Variants in AFF4 observed in about 807,000 individuals in gnomAD.
AFF4 encodes ALF transcription elongation factor 4, also known as AF4/FMR2 family member 4.
A neutral mutation model predicts 124.8 loss-of-function variants in AFF4; 13 were observed. The ratio of observed to expected loss-of-function variants is 0.10; its 90% CI spans 0.07 to 0.17. The LOEUF (loss-of-function observed/expected upper bound fraction) is 0.17. AFF4 is among the 10% of genes least tolerant of loss of function. AFF4 has a pLI of 1.00. For synonymous variants in AFF4, 477 were observed against 496.1 expected (o/e 0.96, Z 0.51); for missense variants, 1,092 against 1,403.8 (o/e 0.78, Z 3.55).
intron 5 of AFF4, among the ~76,000 whole-genome samples, chr5:132,923,031 C>T (rs958469473): frequency 1.3e-5 from 2 of 151,894 alleles, no homozygotes; most frequent in African/African-American, 4.8e-5. Context: ...AAAAAAGTAG[C>T]CGGGCGTGGT....
At chr5:132,922,633 A>G (rs1484199052) in intron 5 of AFF4, among the ~76,000 whole-genome samples, 1 of 149,852 alleles carries the variant, frequency 6.7e-6, no homozygotes, top group African/African-American at 2.5e-5. Context: ...TACAAAAATT[A>G]GCTAGGCGTG....
At chr5:132,921,019 C>T (rs982655638) in intron 5 of AFF4, among the ~76,000 whole-genome samples, 6 of 151,466 alleles carry the variant, frequency 4.0e-5, no homozygotes, top group Non-Finnish European at 2.9e-5. Context: ...CCCAGCTACT[C>T]GAGAGGCCGA....
At chr5:132,909,123 C>CTTT (rs34141962) in intron 5 of AFF4, among the ~76,000 whole-genome samples, 10 of 112,810 alleles carry the variant, frequency 8.9e-5, no homozygotes, top group African/African-American at 1.4e-4. Flanking sequence ...AAAACATCAT[C>CTTT]TTTTTTTTTT....
chr5:132,935,939 A>T (rs10477744), intron 2 of AFF4, among the ~76,000 whole-genome samples: 75,640 of 150,790 alleles, frequency 0.5, 19,197 homozygotes, highest in East Asian at 0.71. Context: ...AAAAAAAAAA[A>T]CTTTTGAAGA....
At position 132,889,285 on chromosome 5, in the gene AFF4, T is replaced by C. The variant is rs148493899; in HGVS notation, c.2638-112A>G. On this transcript the variant is annotated intron_variant, in intron 13 of 20. Transcript: ENST00000265343. ...GGAAACAAAATTTCATTGCCTTTCA[T>C]AATGAATTTCCTTGTTACAAAACTT... is the stretch of plus-strand genomic sequence containing the variant. 4.7e-4 allele frequency: 325 copies of C among 690,238 alleles called. No homozygotes were observed. In the East Asian group the frequency reaches 7.9e-3, roughly 17 times the overall value. The allele number at this position is 690,238 out of a possible 1,614,324, so 42.8% of individuals were successfully genotyped here.
At chr5:132,957,019 CAAAAAAAAAAAAAAAA>C (rs1180577709) in intron 1 of AFF4, among the ~76,000 whole-genome samples, 16 of 40,806 alleles carry the variant, frequency 3.9e-4, no homozygotes, top group South Asian at 1.9e-3. Flanking sequence ...GACTTCGTCT[CAAAAAAAAAAAAAAAA>C]AAAAAAAAAA....
chr5:132,946,870 A>AT (rs1043190568), intron 1 of AFF4, among the ~76,000 whole-genome samples: 4 of 119,764 alleles, frequency 3.3e-5, no homozygotes, highest in African/African-American at 7.8e-5. Context: ...GCATTCTATA[A>AT]TTTTTTTATA....
At chr5:132,895,826 A>G (rs1364557382) in intron 11 of AFF4, among the ~76,000 whole-genome samples, 2 of 152,246 alleles carry the variant, frequency 1.3e-5, no homozygotes, top group Non-Finnish European at 2.9e-5. Flanking sequence ...TAGGGATGAC[A>G]GCTGGCTATA....
intron 12 of AFF4, among the ~76,000 whole-genome samples, chr5:132,892,743 G>A (rs762820194): frequency 2.0e-5 from 3 of 152,098 alleles, no homozygotes; most frequent in Admixed American, 6.5e-5. Flanking sequence ...TTACAGATAA[G>A]TTTGCCATCT....
At position 132,898,460 on chromosome 5, in the gene AFF4, C is replaced by CG. The variant is rs34099243; in HGVS notation, c.1227-69dup. The CG allele has an allele frequency of 0.88, 1,314,326 of 1,486,562 alleles. 586,824 individuals carry two copies. The highest frequency in any genetic ancestry group is 0.97 in the African/African-American group (67,877 of 69,742). 92.1% of individuals were successfully genotyped at this position (1,486,562 alleles called of 1,614,324 possible). On this transcript the variant is annotated intron_variant, in intron 9 of 20. Coordinates refer to ENST00000265343, the MANE Select transcript of AFF4 (RefSeq NM_014423.4). The stretch of plus-strand genomic sequence containing the variant: ...ATTGACAACAGGAAAACATCCAAAT[C>CG]GACAACCAACTTTCTTTTTTTCTTC...
chr5:132,927,340 A>G, intron 4 of AFF4, 133 bp from the exon 5 acceptor site: 1 of 715,516 alleles, frequency 1.4e-6, no homozygotes, highest in East Asian at 2.8e-5. Context: ...TAGTCAATAA[A>G]TATTAAGCAC....
At chr5:132,935,018 C>A in intron 2 of AFF4, 77 bp from the exon 3 acceptor site, 2 of 1,242,882 alleles carry the variant, frequency 1.6e-6, no homozygotes, top group Non-Finnish European at 2.1e-6. Context: ...ACTAATTTTC[C>A]AAACTTCGAA....
At chr5:132,938,074 G>A (rs1181050931) in intron 1 of AFF4, among the ~76,000 whole-genome samples, 1 of 151,180 alleles carries the variant, frequency 6.6e-6, no homozygotes, top group African/African-American at 2.4e-5. Context: ...CTCTTCCCTG[G>A]AGACAGATTA....
chr5:132,951,770 G>A (rs752513470), intron 1 of AFF4, among the ~76,000 whole-genome samples: 2 of 151,866 alleles, frequency 1.3e-5, no homozygotes, highest in African/African-American at 4.8e-5. Context: ...TCAAGTGATC[G>A]GCCCACCTCG....
At chr5:132,904,439 C>G in intron 5 of AFF4, 35 bp from the exon 6 acceptor site, 1 of 1,567,560 alleles carries the variant, frequency 6.4e-7, no homozygotes, top group Non-Finnish European at 8.7e-7. Context: ...TACAAAGTTA[C>G]ACTAAAAAAG....
chr5:132,955,660 C>A lies in AFF4; in HGVS notation c.-5+7599G>T, dbSNP rs190826485. On this transcript the variant is annotated intron_variant, in intron 1 of 20. Coordinates refer to ENST00000265343, the MANE Select transcript of AFF4 (RefSeq NM_014423.4). ...GGGCGTGGTGGCGGGCGCCTGTAAT[C>A]CCAGCTACTCAAGAGGCTGAGGCAG... Among the ~76,000 whole-genome samples, 55 of 151,216 alleles carry A rather than the reference C, an allele frequency of 3.6e-4. 1 individual carries two copies. The East Asian group carries it at 9.1e-3, about 25-fold the overall frequency.
At chr5:132,926,164 A>G in intron 5 of AFF4, 1 of 401,136 alleles carries the variant, frequency 2.5e-6, no homozygotes, top group Non-Finnish European at 4.9e-6. Flanking sequence ...AAATGCTTAC[A>G]TGTAATGATT....
In AFF4 at chr5:132,888,092, C is replaced by T; in HGVS notation, c.2796+5G>A. On this transcript the variant is annotated splice_donor_5th_base_variant and intron_variant, in intron 15 of 20. Transcript: ENST00000265343. ...TACGTAAGTGTAAGGAGAATATCTA[C>T]ATACCAATGCATCTGCATTGTGCTT... is the stretch of plus-strand genomic sequence containing the variant. 6.2e-7 allele frequency: 1 copy of T among 1,610,596 alleles called. No homozygotes were observed.
chr5:132,960,575 T>C (rs1040292710), intron 1 of AFF4, among the ~76,000 whole-genome samples: 13 of 152,302 alleles, frequency 8.5e-5, no homozygotes, highest in Middle Eastern at 3.4e-3. Flanking sequence ...AGGCAAAATA[T>C]ATAACTTTTA....
Sources: allele counts gnomAD v4.1 joint callset (sites outside exome capture counted in the v4.1 genomes callset), GRCh38; gene constraint gnomAD v4.1.1; transcripts MANE v1.5; gene names NCBI Gene and HGNC (gene_info 2026-07-23, HGNC 2026-07-21).